Variants in TPCN1 observed in about 807,000 individuals in gnomAD.
TPCN1 encodes the protein two pore channel protein 1.
In TPCN1, 52 loss-of-function variants were observed where a neutral mutation model predicts 108.8. The ratio of observed to expected loss-of-function variants is 0.48; its 90% CI spans 0.38 to 0.60. The LOEUF is 0.60. Among genes scored for constraint, TPCN1 ranks in the 20% least tolerant of loss-of-function variants. The pLI is 0.00. For missense variants in TPCN1, 806 were observed against 1,072.8 expected (o/e 0.75, Z 3.47); for synonymous variants, 446 against 433.7 (o/e 1.03, Z -0.35).
In TPCN1 at chr12:113,266,383, G is replaced by C. The variant is rs552220635; in HGVS notation, c.414+27G>C. On this transcript the variant is annotated intron_variant, in intron 4 of 27. Coordinates refer to ENST00000335509, the MANE Select transcript of TPCN1 (RefSeq NM_017901.6). The surrounding 1 kb of genome is among the most constrained non-coding windows in gnomAD (Gnocchi z 4.2). Reference sequence around the variant, plus strand: ...TGAGCGCACATGCTCCTCATACGGGGGGCTGGGAGCCACGGCTTTCAGGGC... The same window carrying C: ...TGAGCGCACATGCTCCTCATACGGGCGGCTGGGAGCCACGGCTTTCAGGGC... 4.5e-5 allele frequency: 72 copies of C among 1,597,172 alleles called. No homozygotes were observed. In the South Asian group the frequency reaches 7.6e-4, roughly 17 times the overall value.
At chr12:113,278,071 T>TGGGAA in intron 12 of TPCN1, 118 bp from the exon 13 acceptor site, 1 of 772,552 alleles carries the variant, frequency 1.3e-6, no homozygotes, top group Admixed American at 2.0e-5. Flanking sequence ...ACTCACATGG[T>TGGGAA]GTCCCCTCTC....
At chr12:113,281,860 G>T (rs1955895785) in intron 15 of TPCN1, among the ~76,000 whole-genome samples, 1 of 151,682 alleles carries the variant, frequency 6.6e-6, no homozygotes, top group African/African-American at 2.4e-5. Flanking sequence ...GGTCATGTGG[G>T]ATAGTTCCTC....
rs769440521 is a variant in TPCN1, at chr12:113,291,710, T to G, written c.2028+33T>G. ...CCGGACCACAGAACGCTCTTTGTCC[T>G]TCGTCTTCCACATCACCAGCTGCCC... On this transcript the variant is annotated intron_variant, in intron 24 of 27. Transcript: ENST00000335509. 3.1e-6 allele frequency: 5 copies of G among 1,607,178 alleles called. No individual in the cohort carries two copies. In the African/African-American group the frequency reaches 6.7e-5, roughly 21 times the overall value.
At position 113,266,216 on chromosome 12, in the gene TPCN1, A is replaced by G. The variant is rs777137226; in HGVS notation, c.274A>G (p.Lys92Glu). 16 of 1,613,976 alleles carry G rather than the reference A, an allele frequency of 9.9e-6. No homozygotes were observed. The Admixed American group carries it at 2.5e-4, about 25-fold the overall frequency. ...CAACGACAAGTTCTTCACCCACCCC[A>G]AGGATGCCAAGGCGCTGGCGGCCTA... is the stretch of plus-strand genomic sequence containing the variant. Reference protein sequence around the residue: ...ENNDKFFTHPKDAKALAAYLF... With the variant: ...ENNDKFFTHPEDAKALAAYLF... The change falls in exon 4 of 28, where the codon AAG becomes GAG. Residue 92 changes from lysine (K) to glutamate (E), a missense_variant. By Grantham distance (56) the Lys-to-Glu change is moderately conservative (BLOSUM62 1). Coordinates refer to ENST00000335509, the MANE Select transcript of TPCN1 (RefSeq NM_017901.6). This position sits in a 1 kb window ranked among gnomAD's most constrained non-coding sequence, Gnocchi z 4.2.
At position 113,297,523 on chromosome 12, in the gene TPCN1, C is replaced by G. The variant is rs1956467604; in HGVS notation, c.*1447C>G. 6.6e-6 allele frequency: 1 copy of G among 152,588 alleles called. No homozygotes were observed. The highest frequency in any genetic ancestry group is 6.5e-5 in the Admixed American group (1 of 15,274). 9.5% of individuals were successfully genotyped at this position (152,588 alleles called of 1,614,324 possible). ...GCACCCGACCCCAGGGGAGCAGTAC[C>G]TGGTCCCCCACCCCCTCCTCCCAAC... On this transcript the variant is annotated 3_prime_UTR_variant, in exon 28 of 28. Coordinates refer to ENST00000335509, the MANE Select transcript of TPCN1 (RefSeq NM_017901.6). This position sits in a 1 kb window ranked among gnomAD's most constrained non-coding sequence, Gnocchi z 4.4.
At chr12:113,277,178 A>C in intron 11 of TPCN1, 62 bp from the exon 12 acceptor site, 1 of 1,609,744 alleles carries the variant, frequency 6.2e-7, no homozygotes, top group South Asian at 1.1e-5. Flanking sequence ...GTGGATCTGG[A>C]GTGGGTGCCC....
intron 1 of TPCN1, among the ~76,000 whole-genome samples, chr12:113,223,027 C>G (rs1480563750): frequency 1.3e-5 from 2 of 152,196 alleles, no homozygotes; most frequent in East Asian, 3.8e-4. Context: ...ACCAAAACGA[C>G]AATACAACCA....
chr12:113,267,982 C>A, intron 5 of TPCN1, 26 bp downstream of exon 5: 1 of 1,481,862 alleles, frequency 6.7e-7, no homozygotes, highest in East Asian at 2.3e-5. Flanking sequence ...ATCTGTCCCT[C>A]CCCTCACAGC....
At position 113,273,331 on chromosome 12, in the gene TPCN1, G is replaced by A. The variant is rs182098432; in HGVS notation, c.842+41G>A. On this transcript the variant is annotated intron_variant, in intron 9 of 27. Transcript: ENST00000335509. The surrounding 1 kb of genome is among the most constrained non-coding windows in gnomAD (Gnocchi z 4.0). Reference sequence around the variant, plus strand: ...GCCTTGCCTTTGGTCCTCTGCTGCCGCCCTGGGGTCTCTTTCTCTTTTCTG... The same window carrying A: ...GCCTTGCCTTTGGTCCTCTGCTGCCACCCTGGGGTCTCTTTCTCTTTTCTG... 70 of 1,596,326 alleles carry A rather than the reference G, an allele frequency of 4.4e-5. No homozygotes were observed. The African/African-American group carries it at 4.7e-4, about 11-fold the overall frequency.
At chr12:113,251,402 G>T (rs1286016152) in intron 2 of TPCN1, among the ~76,000 whole-genome samples, 1 of 152,188 alleles carries the variant, frequency 6.6e-6, no homozygotes, top group Non-Finnish European at 1.5e-5. Flanking sequence ...CCTCTGTGCC[G>T]GTCCCTCATT....
At chr12:113,250,798 A>T (rs1346578680) in intron 2 of TPCN1, among the ~76,000 whole-genome samples, 2 of 152,066 alleles carry the variant, frequency 1.3e-5, no homozygotes, top group Admixed American at 6.5e-5. Context: ...CTTCCAAAAA[A>T]TACAAAAATT....
chr12:113,281,802 G>T (rs926904105), intron 15 of TPCN1, among the ~76,000 whole-genome samples: 1 of 152,058 alleles, frequency 6.6e-6, no homozygotes, highest in South Asian at 2.1e-4. Context: ...GCCTCCCGAA[G>T]TGCTGGGAGT....
At chr12:113,282,332 A>G (rs1018670367) in intron 15 of TPCN1, among the ~76,000 whole-genome samples, 17 of 151,714 alleles carry the variant, frequency 1.1e-4, no homozygotes, top group African/African-American at 4.1e-4. Flanking sequence ...ACCTCAGTTG[A>G]TCCACCTGCC....
chr12:113,248,131 G>A (rs549200932), intron 2 of TPCN1, among the ~76,000 whole-genome samples: 5 of 152,280 alleles, frequency 3.3e-5, no homozygotes, highest in East Asian at 1.9e-4. Context: ...ACCCTTTGGC[G>A]CTGCCCACTG....
intron 2 of TPCN1, among the ~76,000 whole-genome samples, chr12:113,238,283 A>G (rs2136465188): frequency 6.6e-6 from 1 of 152,308 alleles, no homozygotes; most frequent in East Asian, 1.9e-4. Flanking sequence ...GCAAGCAGAG[A>G]GCATCATGTT....
intron 14 of TPCN1, among the ~76,000 whole-genome samples, chr12:113,279,377 A>T (rs530731759): frequency 6.8e-5 from 2 of 29,424 alleles, no homozygotes; most frequent in African/African-American, 3.5e-4. Context: ...ATATATATAT[A>T]TATATATATA....
chr12:113,244,873 G>T, intron 2 of TPCN1: 1 of 553,130 alleles, frequency 1.8e-6, no homozygotes, highest in Non-Finnish European at 2.3e-6. Context: ...CACAGCTGGA[G>T]TGAACTTGGG....
chr12:113,293,116 C>T (rs755628749), intron 26 of TPCN1, 43 bp downstream of exon 26: 5 of 1,602,586 alleles, frequency 3.1e-6, no homozygotes, highest in Non-Finnish European at 4.3e-6. Flanking sequence ...AGGCAGGTTT[C>T]AGTGTGGGTG....
At chr12:113,244,951 A>C (rs1954297294) in intron 2 of TPCN1, among the ~76,000 whole-genome samples, 1 of 152,006 alleles carries the variant, frequency 6.6e-6, no homozygotes, top group African/African-American at 2.4e-5. Flanking sequence ...AGAATGTGTG[A>C]GGTTGTGTGT....
Sources: allele counts gnomAD v4.1 joint callset (sites outside exome capture counted in the v4.1 genomes callset), GRCh38; gene constraint gnomAD v4.1.1; non-coding constraint Gnocchi (gnomAD v3.1); transcripts MANE v1.5; gene names NCBI Gene and HGNC (gene_info 2026-07-23, HGNC 2026-07-21).